The following ZNF804B variants were observed in gnomAD, a reference collection of about 807,000 sequenced individuals.
ZNF804B encodes zinc finger protein 804B.
In ZNF804B, 80 loss-of-function variants were observed where a neutral mutation model predicts 101.4. That is an observed-to-expected ratio of 0.79 (90% confidence interval 0.66 to 0.95). The LOEUF (loss-of-function observed/expected upper bound fraction) is 0.95. Ranked by LOEUF, ZNF804B falls within the 40% of genes least tolerant of loss-of-function variation. The pLI, the probability that ZNF804B is intolerant of heterozygous loss-of-function variation, is 0.00. For synonymous variants in ZNF804B, 622 were observed against 558.8 expected (o/e 1.11, Z -1.59); for missense variants, 1,673 against 1,561.9 (o/e 1.07, Z -1.20).
At chr7:89,305,797 A>C (rs569044952) in intron 2 of ZNF804B, among the ~76,000 whole-genome samples, 1 of 152,008 alleles carries the variant, frequency 6.6e-6, no homozygotes, top group East Asian at 1.9e-4. Context: ...TTTGATACAC[A>C]TATTTATTTG....
chr7:89,208,867 C>A (rs1788759820), intron 1 of ZNF804B, among the ~76,000 whole-genome samples: 1 of 151,944 alleles, frequency 6.6e-6, no homozygotes, highest in Non-Finnish European at 1.5e-5. Flanking sequence ...AAAAAATTAG[C>A]CGGGCGAGCT....
At position 89,103,282 on chromosome 7, in the gene ZNF804B, C is replaced by T. The variant is rs551107142; in HGVS notation, c.109-114873C>T. Among the ~76,000 whole-genome samples the T allele has an allele frequency of 4.0e-5, 6 of 148,450 alleles. No individual in the cohort carries two copies. The East Asian group carries it at 1.2e-3, about 29-fold the overall frequency. Reference sequence around the variant, plus strand: ...GAGAAAAATGATGTTGGTAATTTGTCAGAAATTATATTGAATCTAGAGGTT... The same window carrying T: ...GAGAAAAATGATGTTGGTAATTTGTTAGAAATTATATTGAATCTAGAGGTT... On this transcript the variant is annotated intron_variant, in intron 1 of 3. Transcript: ENST00000333190.
intron 1 of ZNF804B, among the ~76,000 whole-genome samples, chr7:89,167,762 T>TA (rs947604900): frequency 6.6e-6 from 1 of 152,122 alleles, no homozygotes; most frequent in African/African-American, 2.4e-5. Context: ...TAAACTAAGC[T>TA]AAAATCTCAA....
rs560279490 is a variant in ZNF804B at position 88,820,266 on chromosome 7, A to G, written c.108+60182A>G. On this transcript the variant is annotated intron_variant, in intron 1 of 3. Transcript: ENST00000333190. ...AATATGTTTGAGAAGTCAAATGTCT[A>G]AAAAAATACAATAGACTTTTTTATG... Among the ~76,000 whole-genome samples the G allele has an allele frequency of 3.3e-5, 5 of 152,276 alleles. No homozygotes were observed. The South Asian group carries it at 8.3e-4, about 25-fold the overall frequency.
intron 1 of ZNF804B, among the ~76,000 whole-genome samples, chr7:89,008,632 A>G (rs975050379): frequency 7.9e-5 from 12 of 152,046 alleles, no homozygotes; most frequent in African/African-American, 2.4e-4. Flanking sequence ...TTAGCTTCCA[A>G]TATCTCCCAC....
At chr7:89,211,751 G>T (rs1788807962) in intron 1 of ZNF804B, among the ~76,000 whole-genome samples, 1 of 152,102 alleles carries the variant, frequency 6.6e-6, no homozygotes. Flanking sequence ...CTGTAGCCTT[G>T]TAGTATACTT....
intron 2 of ZNF804B, among the ~76,000 whole-genome samples, chr7:89,222,165 G>A (rs80058657): frequency 0.015 from 2,256 of 152,004 alleles, 49 homozygotes; most frequent in African/African-American, 0.051. Context: ...GTTAAAAAGC[G>A]TAATCTATGA....
chr7:89,056,888 G>A (rs1026920453), intron 1 of ZNF804B, among the ~76,000 whole-genome samples: 5 of 152,140 alleles, frequency 3.3e-5, no homozygotes, highest in Non-Finnish European at 5.9e-5. Context: ...GAAGAGATGG[G>A]AAGAAACCTC....
intron 1 of ZNF804B, among the ~76,000 whole-genome samples, chr7:88,989,740 C>T (rs1793816857): frequency 6.6e-6 from 1 of 151,978 alleles, no homozygotes; most frequent in South Asian, 2.1e-4. Context: ...TGTCATGTAC[C>T]ATTATAAAAA....
intron 1 of ZNF804B, among the ~76,000 whole-genome samples, chr7:89,114,530 G>C (rs532259340): frequency 1.1e-4 from 16 of 152,074 alleles, no homozygotes; most frequent in Non-Finnish European, 2.4e-4. Context: ...TTTAGATATG[G>C]GTTTGCTCCT....
At chr7:88,863,530 T>A (rs1791681185) in intron 1 of ZNF804B, among the ~76,000 whole-genome samples, 1 of 152,226 alleles carries the variant, frequency 6.6e-6, no homozygotes, top group South Asian at 2.1e-4. Context: ...CTATTTTTTT[T>A]AACGAAGTTT....
chr7:89,077,077 A>G (rs1789625253), intron 1 of ZNF804B, among the ~76,000 whole-genome samples: 1 of 16,604 alleles, frequency 6.0e-5, no homozygotes, highest in Non-Finnish European at 1.2e-4. Flanking sequence ...TATCTGAAAC[A>G]GTGATGATGA....
At chr7:89,255,476 G>T (rs1186363224) in intron 2 of ZNF804B, among the ~76,000 whole-genome samples, 1 of 152,162 alleles carries the variant, frequency 6.6e-6, no homozygotes, top group Non-Finnish European at 1.5e-5. Flanking sequence ...ATGCAAATTG[G>T]ATTTACAGCC....
At chr7:89,130,153 C>T (rs922543063) in intron 1 of ZNF804B, among the ~76,000 whole-genome samples, 3 of 151,838 alleles carry the variant, frequency 2.0e-5, no homozygotes, top group African/African-American at 7.3e-5. Context: ...GTTTTCCTGG[C>T]CACAGAGTGA....
chr7:89,102,888 A>C (rs1041210998), intron 1 of ZNF804B, among the ~76,000 whole-genome samples: 6 of 151,738 alleles, frequency 4.0e-5, no homozygotes, highest in Non-Finnish European at 8.8e-5. Context: ...GTCCAGCTTC[A>C]TTCTTCTGCA....
intron 2 of ZNF804B, among the ~76,000 whole-genome samples, chr7:89,249,779 C>CG (rs1344544296): frequency 6.6e-6 from 1 of 151,992 alleles, no homozygotes. Context: ...AAAAAAATAA[C>CG]TAAAATCACA....
intron 2 of ZNF804B, among the ~76,000 whole-genome samples, chr7:89,229,355 C>T (rs138722654): frequency 1.1e-3 from 175 of 152,208 alleles, no homozygotes; most frequent in African/African-American, 3.9e-3. Context: ...ATATAAAGAC[C>T]GATTAAAAGA....
chr7:89,002,013 T>G (rs1788297844), intron 1 of ZNF804B, among the ~76,000 whole-genome samples: 1 of 151,614 alleles, frequency 6.6e-6, no homozygotes, highest in South Asian at 2.1e-4. Context: ...GTTGAAACAA[T>G]GAATCATAAA....
At chr7:89,057,364 A>T (rs1253134099) in intron 1 of ZNF804B, among the ~76,000 whole-genome samples, 1 of 152,060 alleles carries the variant, frequency 6.6e-6, no homozygotes, top group Non-Finnish European at 1.5e-5. Context: ...AATTCTTATC[A>T]ACCCTGGGGA....
Sources: allele counts gnomAD v4.1 joint callset (sites outside exome capture counted in the v4.1 genomes callset), GRCh38; gene constraint gnomAD v4.1.1; transcripts MANE v1.5; gene names NCBI Gene and HGNC (gene_info 2026-07-23, HGNC 2026-07-21).